Variants in DENND4A observed in about 807,000 individuals in gnomAD.
The protein encoded by DENND4A is C-myc promoter-binding protein.
In DENND4A, 70 loss-of-function variants were observed where a neutral mutation model predicts 199.3. That is an observed-to-expected ratio of 0.35 (90% CI 0.29 to 0.43). DENND4A has a LOEUF of 0.43. DENND4A is among the 20% of genes least tolerant of loss of function. The pLI is 1.00. For synonymous variants in DENND4A, 686 were observed against 766.9 expected (o/e 0.89, Z 1.74); for missense variants, 1,723 against 2,255.8 (o/e 0.76, Z 4.78).
In DENND4A at chr15:65,664,799, G is replaced by A. The variant is rs2075981969; in HGVS notation, c.5360-77C>T. The A allele has an allele frequency of 3.2e-6, 4 of 1,238,508 alleles. No individual in the cohort carries two copies. The East Asian group carries it at 9.8e-5, about 30-fold the overall frequency. 76.7% of individuals were successfully genotyped at this position (1,238,508 alleles called of 1,614,324 possible). A position where few individuals can be genotyped will look rare whatever the true frequency, so the allele number is the denominator to read the frequency against. On this transcript the variant is annotated intron_variant, in intron 30 of 32. Coordinates refer to ENST00000443035, the MANE Select transcript of DENND4A (RefSeq NM_001320835.1). ...GAAAGAAATTAAGCAGCAACTGACA[G>A]ATATTAAGTTACAAAGCACTAAAAA... is the stretch of plus-strand genomic sequence containing the variant.
At chr15:65,733,793 C>A (rs1596551766) in intron 7 of DENND4A, among the ~76,000 whole-genome samples, 1 of 152,286 alleles carries the variant, frequency 6.6e-6, no homozygotes, top group East Asian at 1.9e-4. Context: ...CCCCCAACGC[C>A]GTGCTCTCTG....
intron 1 of DENND4A, chr15:65,771,224 A>T (rs1439247055): frequency 1.2e-6 from 2 of 1,607,238 alleles, no homozygotes; most frequent in Admixed American, 1.7e-5. Context: ...ACAGTTGTCC[A>T]TGCTCAAGGC....
intron 29 of DENND4A, among the ~76,000 whole-genome samples, chr15:65,667,237 G>A (rs1327354975): frequency 6.6e-6 from 1 of 152,236 alleles, no homozygotes; most frequent in East Asian, 1.9e-4. Context: ...GGCTGAGGCA[G>A]GAGAATTGCT....
At position 65,731,426 on chromosome 15, in the gene DENND4A, A is replaced by G. The variant is rs1015727179; in HGVS notation, c.1166+216T>C. 1.2e-5 allele frequency: 7 copies of G among 568,622 alleles called. No individual in the cohort carries two copies. The Admixed American group carries it at 1.5e-4, about 12-fold the overall frequency. 35.2% of individuals were successfully genotyped at this position (568,622 alleles called of 1,614,324 possible). A position where few individuals can be genotyped will look rare whatever the true frequency, so the allele number is the denominator to read the frequency against. On this transcript the variant is annotated intron_variant, in intron 9 of 32. Transcript: ENST00000443035. ...ACACTTACACAATAGTAGGTATTTG[A>G]TGATAATAGATACACAAAATACAAA...
intron 20 of DENND4A, among the ~76,000 whole-genome samples, chr15:65,698,291 A>G (rs765221811): frequency 1.3e-5 from 2 of 151,478 alleles, no homozygotes; most frequent in African/African-American, 2.4e-5. Context: ...AAGGTCTATC[A>G]ATATAAAAAA....
At chr15:65,776,006 G>A in intron 1 of DENND4A, among the ~76,000 whole-genome samples, 1 of 151,976 alleles carries the variant, frequency 6.6e-6, no homozygotes, top group South Asian at 2.1e-4. Flanking sequence ...CCTGCTCTTC[G>A]AAGCCTTCCT....
At chr15:65,789,296 C>A (rs1028661549) in intron 1 of DENND4A, among the ~76,000 whole-genome samples, 1 of 152,154 alleles carries the variant, frequency 6.6e-6, no homozygotes, top group South Asian at 2.1e-4. Context: ...ACGGGATCCT[C>A]CTGCCTTGGC....
At chr15:65,778,452 T>TA (rs565036538) in intron 1 of DENND4A, among the ~76,000 whole-genome samples, 10,597 of 89,558 alleles carry the variant, frequency 0.12, 948 homozygotes, top group African/African-American at 0.28. Context: ...TACAGTGACC[T>TA]AAAAAAAAAA....
intron 32 of DENND4A, among the ~76,000 whole-genome samples, chr15:65,663,334 T>G (rs1433755281): frequency 1.3e-5 from 2 of 151,374 alleles, no homozygotes; most frequent in Non-Finnish European, 2.9e-5. Context: ...CTCAGGCGCC[T>G]GAGTAGCTGG....
intron 22 of DENND4A, among the ~76,000 whole-genome samples, chr15:65,692,037 A>G (rs62014389): frequency 0.071 from 10,683 of 149,972 alleles, 393 homozygotes; most frequent in African/African-American, 0.1. Flanking sequence ...TCTTGGGCTC[A>G]AGAAATTCTT....
chr15:65,771,135 A>G (rs2140881038), intron 1 of DENND4A: 1 of 1,525,988 alleles, frequency 6.6e-7, no homozygotes, highest in Non-Finnish European at 8.8e-7. Context: ...CAGAAAAAAT[A>G]AAGAGTACGC....
Position 65,722,896 on chromosome 15 carries a change from T to C in DENND4A, c.1540A>G (p.Lys514Glu), listed in dbSNP as rs1344252956. 3.7e-6 allele frequency: 6 copies of C among 1,610,700 alleles called. No individual in the cohort carries two copies. The highest frequency in any genetic ancestry group is 4.2e-6 in the Non-Finnish European group (5 of 1,178,724). ...TTATTCAGTGTGTTCATCAGATTTT[T>C]ACATGGCTTCTTTGGAAGTATCTTC... ...AWKILPKKPCKNLMNTLNNLH... is the reference protein window; with the variant it reads ...AWKILPKKPCENLMNTLNNLH... Residue 514 changes from lysine to glutamate, a missense_variant, in exon 12 of 33, where the codon AAA becomes GAA. This residue lies in a region of DENND4A where 725 missense variants were observed against 952.9 expected (regional missense o/e 0.76). Transcript: ENST00000443035.
intron 23 of DENND4A, among the ~76,000 whole-genome samples, chr15:65,686,784 G>A (rs1191230214): frequency 6.6e-6 from 1 of 151,940 alleles, no homozygotes; most frequent in Non-Finnish European, 1.5e-5. Context: ...TGAACTTCTG[G>A]GTTCAAGCAA....
intron 1 of DENND4A, among the ~76,000 whole-genome samples, chr15:65,789,976 C>T (rs541004169): frequency 3.6e-4 from 55 of 152,194 alleles, no homozygotes; most frequent in African/African-American, 1.3e-3. Context: ...GGCAACATGG[C>T]GAAACCCCGT....
At chr15:65,690,229 AGT>A (rs2076925128) in intron 23 of DENND4A, among the ~76,000 whole-genome samples, 184 bp downstream of exon 23, 2 of 152,218 alleles carry the variant, frequency 1.3e-5, no homozygotes, top group African/African-American at 4.8e-5. Flanking sequence ...ATATAACCTT[AGT>A]AAGTTTTCTT....
intron 23 of DENND4A, chr15:65,680,798 A>G (rs2076546350): frequency 6.6e-6 from 1 of 152,216 alleles, no homozygotes; most frequent in Admixed American, 6.5e-5. Context: ...AGTTGTTCAC[A>G]TTACACTGAA....
intron 32 of DENND4A, among the ~76,000 whole-genome samples, 176 bp downstream of exon 32, chr15:65,664,154 C>G (rs1566979635): frequency 6.6e-6 from 1 of 152,078 alleles, no homozygotes; most frequent in Admixed American, 6.6e-5. Context: ...AAACCTTATA[C>G]CAGTTAGCAG....
In DENND4A at chr15:65,792,115, G is replaced by T. The variant is rs1219904858; in HGVS notation, c.-207C>A. Reference sequence around the variant, plus strand: ...GAGGGGCTGAATGCCGCGGCGCTCTGAGCCCGCTTAGCTCATCCCCAGCCC... The same window carrying T: ...GAGGGGCTGAATGCCGCGGCGCTCTTAGCCCGCTTAGCTCATCCCCAGCCC... On this transcript the variant is annotated 5_prime_UTR_variant, in exon 1 of 33. Coordinates refer to ENST00000443035, the MANE Select transcript of DENND4A (RefSeq NM_001320835.1). The T allele has an allele frequency of 6.5e-6, 1 of 152,938 alleles. No individual in the cohort carries two copies. Among genetic ancestry groups the T allele is most frequent in the South Asian group, 1.9e-4 (1 of 5,374 alleles). The allele number at this position is 152,938 out of a possible 1,614,324, so 9.5% of individuals were successfully genotyped here.
At chr15:65,684,304 A>G (rs2076678922) in intron 23 of DENND4A, among the ~76,000 whole-genome samples, 1 of 152,194 alleles carries the variant, frequency 6.6e-6, no homozygotes, top group African/African-American at 2.4e-5. Flanking sequence ...ATTGTTTTCC[A>G]AAGTGGCTGT....
Sources: allele counts gnomAD v4.1 joint callset (sites outside exome capture counted in the v4.1 genomes callset), GRCh38; gene constraint gnomAD v4.1.1; regional missense constraint gnomAD v4.1.1; transcripts MANE v1.5; gene names NCBI Gene and HGNC (gene_info 2026-07-23, HGNC 2026-07-21).